The following HDLBP variants were observed in gnomAD, a reference collection of about 807,000 sequenced individuals.
HDLBP encodes high density lipoprotein binding protein.
HDLBP carries 30 observed loss-of-function variants against 137.3 expected under a neutral mutation model. The ratio of observed to expected loss-of-function variants is 0.22; its 90% CI spans 0.16 to 0.30. The LOEUF (loss-of-function observed/expected upper bound fraction) is 0.30. HDLBP is among the 10% of genes least tolerant of loss of function. The probability of loss-of-function intolerance (pLI) is 1.00; values close to 1 mark genes in which losing one functional copy is unlikely to be tolerated. For synonymous variants in HDLBP, 606 were observed against 596.0 expected (o/e 1.02, Z -0.24); for missense variants, 1,119 against 1,667.3 (o/e 0.67, Z 5.73).
intron 1 of HDLBP, among the ~76,000 whole-genome samples, chr2:241,299,384 G>A (rs1295534156): frequency 6.6e-6 from 1 of 151,588 alleles, no homozygotes; most frequent in Non-Finnish European, 1.5e-5. Flanking sequence ...AGGCATGGTG[G>A]CGTGCATCTG....
At chr2:241,247,919 T>C (rs1464731151) in intron 14 of HDLBP, 84 bp downstream of exon 14, 1 of 924,084 alleles carries the variant, frequency 1.1e-6, no homozygotes, top group African/African-American at 1.6e-5. Flanking sequence ...GCAGGGGTCC[T>C]GTGGGGGTCA....
At chr2:241,249,129 GC>G (rs1258591934) in intron 12 of HDLBP, among the ~76,000 whole-genome samples, 1 of 152,112 alleles carries the variant, frequency 6.6e-6, no homozygotes, top group Admixed American at 6.5e-5. Context: ...GCTGCATCAC[GC>G]CCTGGAATGC....
intron 1 of HDLBP, among the ~76,000 whole-genome samples, chr2:241,300,500 C>T (rs2075356239): frequency 6.6e-6 from 1 of 152,102 alleles, no homozygotes; most frequent in Admixed American, 6.6e-5. Flanking sequence ...AGACTGGGGG[C>T]AGGTAGAGAA....
At chr2:241,310,981 G>GT in intron 1 of HDLBP, among the ~76,000 whole-genome samples, 1 of 152,130 alleles carries the variant, frequency 6.6e-6, no homozygotes, top group Non-Finnish European at 1.5e-5. Context: ...AGGTGTGGCG[G>GT]TGCATGCCTG....
intron 1 of HDLBP, among the ~76,000 whole-genome samples, chr2:241,291,898 C>T (rs759424547): frequency 9.2e-5 from 14 of 152,154 alleles, no homozygotes; most frequent in Non-Finnish European, 2.1e-4. Flanking sequence ...GGCCAGGAAG[C>T]AGATACTCTC....
At chr2:241,279,141 C>T (rs1575011223) in intron 1 of HDLBP, among the ~76,000 whole-genome samples, 1 of 152,226 alleles carries the variant, frequency 6.6e-6, no homozygotes, top group African/African-American at 2.4e-5. Flanking sequence ...TGGAGACAGG[C>T]CATGGTCATC....
At chr2:241,244,615 A>G (rs192580961) in intron 16 of HDLBP, among the ~76,000 whole-genome samples, 94 of 152,348 alleles carry the variant, frequency 6.2e-4, no homozygotes, top group African/African-American at 2.1e-3. Flanking sequence ...GGAAAAAAAT[A>G]CTTGCAGACA....
intron 11 of HDLBP, 85 bp downstream of exon 11, chr2:241,252,872 A>G (rs913679471): frequency 8.0e-6 from 7 of 875,626 alleles, no homozygotes; most frequent in Non-Finnish European, 1.3e-5. Flanking sequence ...GACTGTCTGC[A>G]CGGACGTCAC....
At position 241,256,352 on chromosome 2, in the gene HDLBP, G is replaced by C. The variant is rs1425968185; in HGVS notation, c.705C>G (p.Pro235=). Residue 235 remains proline, a synonymous_variant, in exon 7 of 28, where the codon CCC becomes CCG. Transcript: ENST00000310931. ...GTCTATTATACGGCCCAGCGATGAA[G>C]GGGTGGAATGCCTTTTCTACTTCTA... ...ERLEVEKAFH[P]FIAGPYNRLV... is the part of the protein sequence containing the mutation. 1 of 1,613,802 alleles carries C rather than the reference G, an allele frequency of 6.2e-7. No homozygotes were observed. The highest frequency in any genetic ancestry group is 1.3e-5 in the African/African-American group (1 of 75,046).
chr2:241,281,293 G>A (rs1445803385), intron 1 of HDLBP, among the ~76,000 whole-genome samples: 1 of 152,108 alleles, frequency 6.6e-6, no homozygotes, highest in African/African-American at 2.4e-5. Flanking sequence ...GGCAGAGGTT[G>A]CAGTGAGCCG....
intron 1 of HDLBP, among the ~76,000 whole-genome samples, chr2:241,308,897 G>T (rs2075671883): frequency 6.6e-6 from 1 of 152,064 alleles, no homozygotes; most frequent in African/African-American, 2.4e-5. Flanking sequence ...ATCAAGATCC[G>T]ACTGCTAGGA....
intron 4 of HDLBP, among the ~76,000 whole-genome samples, chr2:241,263,355 G>A (rs2073360159): frequency 6.6e-6 from 1 of 152,340 alleles, no homozygotes; most frequent in African/African-American, 2.4e-5. Flanking sequence ...ACACACCAGA[G>A]GGGGACAGTG....
intron 1 of HDLBP, among the ~76,000 whole-genome samples, chr2:241,300,915 T>C (rs866316237): frequency 6.6e-6 from 1 of 151,900 alleles, no homozygotes. Context: ...AAAAAAATTG[T>C]ATTCTTCAAA....
rs2073709665 is a variant in HDLBP at position 241,266,824 on chromosome 2, G to A, written c.46C>T (p.Arg16Ter). The change falls in exon 3 of 28, where the codon CGA becomes TGA. Residue 16 changes from arginine to a stop codon, truncating the protein, a stop_gained. Coordinates refer to ENST00000310931, the MANE Select transcript of HDLBP (RefSeq NM_005336.6). LOFTEE classifies it high-confidence loss of function. ...VLTQESFAEH[R>*]SGLVPQQIKV... ...ATTTGTTGCGGAACCAGCCCACTTCGGTGTTCAGCAAAACTCTCTTGGGTC... is the reference window on the plus strand; with the variant it reads ...ATTTGTTGCGGAACCAGCCCACTTCAGTGTTCAGCAAAACTCTCTTGGGTC... 2 of 1,613,234 alleles carry A rather than the reference G, an allele frequency of 1.2e-6. No homozygotes were observed. The highest frequency in any genetic ancestry group is 1.7e-6 in the Non-Finnish European group (2 of 1,179,204).
At chr2:241,273,088 A>C (rs772980969) in intron 1 of HDLBP, 108 of 985,396 alleles carry the variant, frequency 1.1e-4, no homozygotes, top group Middle Eastern at 5.2e-4. Context: ...GAAACAACCG[A>C]AGACCAGAAA....
intron 5 of HDLBP, among the ~76,000 whole-genome samples, chr2:241,261,700 C>T (rs1476009319): frequency 6.6e-6 from 1 of 152,226 alleles, no homozygotes. Flanking sequence ...CTTTCACCTT[C>T]CTAACACTTA....
intron 1 of HDLBP, among the ~76,000 whole-genome samples, chr2:241,279,720 C>A (rs1371441802): frequency 5.9e-5 from 9 of 152,166 alleles, no homozygotes; most frequent in Admixed American, 5.9e-4. Context: ...CCTATTAAGG[C>A]TTAAGAAGCA....
chr2:241,246,034 T>G (rs1007148375), intron 16 of HDLBP, among the ~76,000 whole-genome samples: 1 of 152,130 alleles, frequency 6.6e-6, no homozygotes, highest in Non-Finnish European at 1.5e-5. Flanking sequence ...AATTACCAAG[T>G]ACACACAAAG....
chr2:241,267,463 T>TG (rs2073764207), intron 2 of HDLBP: 1 of 943,118 alleles, frequency 1.1e-6, no homozygotes, highest in Non-Finnish European at 1.6e-6. Context: ...ACCGCAGGGG[T>TG]GGGGGGACCA....
Sources: gnomAD v4.1 joint callset for allele counts (sites outside exome capture counted in the v4.1 genomes callset) on GRCh38, gnomAD v4.1.1 for gene constraint, MANE v1.5 for transcripts, NCBI Gene and HGNC (gene_info 2026-07-23, HGNC 2026-07-21) for gene names.